PCNX2: variants seen among roughly 807,000 people sequenced by gnomAD.
PCNX2 encodes pecanex 2, also known as pecanex-like protein 2.
A neutral mutation model predicts 223.8 loss-of-function variants in PCNX2; 168 were observed. The ratio of observed to expected loss-of-function variants is 0.75; its 90% CI spans 0.66 to 0.85. The LOEUF (loss-of-function observed/expected upper bound fraction) is 0.85. PCNX2 is among the 40% of genes least tolerant of loss of function. The pLI, the probability that PCNX2 is intolerant of heterozygous loss-of-function variation, is 0.00. For missense variants in PCNX2, 2,507 were observed against 2,675.5 expected (o/e 0.94, Z 1.39); for synonymous variants, 1,006 against 1,052.6 (o/e 0.96, Z 0.86).
At chr1:233,243,826 A>T (rs11810127) in intron 8 of PCNX2, among the ~76,000 whole-genome samples, 12,357 of 151,478 alleles carry the variant, frequency 0.082, 1,289 homozygotes, top group African/African-American at 0.25. Context: ...TATCACCTTT[A>T]TTTTTTATTT....
intron 22 of PCNX2, among the ~76,000 whole-genome samples, chr1:233,094,968 A>AAC (rs1674071076): frequency 6.6e-6 from 1 of 152,194 alleles, no homozygotes; most frequent in Admixed American, 6.6e-5. Context: ...TTTCCTGGGA[A>AAC]ACACACAGGT....
intron 15 of PCNX2, among the ~76,000 whole-genome samples, chr1:233,183,712 G>T (rs1434313936): frequency 1.3e-5 from 2 of 152,186 alleles, no homozygotes; most frequent in Admixed American, 6.5e-5. Flanking sequence ...GACAGAGAGA[G>T]TCTTGGAAAG....
the PCNX2 span, among the ~76,000 whole-genome samples, chr1:233,323,889 GGCA>G: frequency 2.6e-5 from 4 of 152,216 alleles, no homozygotes; most frequent in African/African-American, 9.7e-5. Context: ...TAGTGAGGAA[GGCA>G]CGTGAAAAGC....
intron 10 of PCNX2, among the ~76,000 whole-genome samples, chr1:233,225,615 C>CG (rs138954731): frequency 8.5e-5 from 13 of 152,258 alleles, no homozygotes; most frequent in Non-Finnish European, 1.6e-4. Flanking sequence ...TTAAAAAGTG[C>CG]GGTCATCCTC....
At chr1:233,111,920 G>A (rs1045975309) in intron 21 of PCNX2, among the ~76,000 whole-genome samples, 2 of 152,202 alleles carry the variant, frequency 1.3e-5, no homozygotes, top group Non-Finnish European at 2.9e-5. Flanking sequence ...GGCTATAGGA[G>A]CTTGGGTTCA....
At chr1:233,150,900 A>T (rs983657063) in intron 19 of PCNX2, among the ~76,000 whole-genome samples, 4 of 152,158 alleles carry the variant, frequency 2.6e-5, no homozygotes, top group Non-Finnish European at 5.9e-5. Flanking sequence ...TAATATTTAA[A>T]ACTGAAAAAG....
At chr1:233,154,759 T>C (rs1678014290) in intron 19 of PCNX2, among the ~76,000 whole-genome samples, 1 of 152,182 alleles carries the variant, frequency 6.6e-6, no homozygotes, top group African/African-American at 2.4e-5. Flanking sequence ...TCTTTCTTTT[T>C]ACTTTGTTTT....
At chr1:233,260,566 G>A (rs1475911299) in intron 4 of PCNX2, among the ~76,000 whole-genome samples, 2 of 152,138 alleles carry the variant, frequency 1.3e-5, no homozygotes, top group African/African-American at 4.8e-5. Flanking sequence ...TTTACATATT[G>A]TTATAATGGG....
intron 14 of PCNX2, 78 bp from the exon 15 acceptor site, chr1:233,199,108 G>T: frequency 7.5e-7 from 1 of 1,337,574 alleles, no homozygotes; most frequent in Non-Finnish European, 1.0e-6. Context: ...TGAAGAGATG[G>T]TTGCACATTC....
Position 233,121,903 on chromosome 1 carries a change from C to G in PCNX2, c.3837+13110G>C, listed in dbSNP as rs947949383. The stretch of plus-strand genomic sequence containing the variant: ...TTCCTTGCTCTTTCAGCTGAGAATG[C>G]CTAGATGCAATGACACCCCAGTATC... On this transcript the variant is annotated intron_variant, in intron 21 of 33. Transcript: ENST00000258229. 2.0e-4 allele frequency among the ~76,000 whole-genome samples: 30 copies of G among 152,096 alleles called. 1 individual carries two copies. The highest frequency in any genetic ancestry group is 1.9e-3 in the Admixed American group (29 of 15,266).
chr1:233,194,782 C>T (rs542990724), intron 15 of PCNX2, among the ~76,000 whole-genome samples: 7 of 151,976 alleles, frequency 4.6e-5, no homozygotes, highest in East Asian at 3.9e-4. Flanking sequence ...TTTGGGAGGC[C>T]GAGGCAGGCG....
chr1:233,023,020 A>C (rs1670950873), intron 26 of PCNX2, among the ~76,000 whole-genome samples: 1 of 152,140 alleles, frequency 6.6e-6, no homozygotes, highest in East Asian at 1.9e-4. Flanking sequence ...TTCTTGAGGC[A>C]ACAGGAAGAT....
At chr1:233,006,807 T>C (rs1318101565) in intron 28 of PCNX2, among the ~76,000 whole-genome samples, 1 of 152,146 alleles carries the variant, frequency 6.6e-6, no homozygotes, top group African/African-American at 2.4e-5. Context: ...GGAACGCTTG[T>C]AGAACATATG....
intron 23 of PCNX2, among the ~76,000 whole-genome samples, chr1:233,084,913 A>G (rs566537840): frequency 4.8e-4 from 73 of 152,332 alleles, no homozygotes; most frequent in African/African-American, 1.7e-3. Flanking sequence ...ATCAAGACAG[A>G]TTTTTAAAGA....
rs750857724 is a variant in PCNX2, at chr1:233,025,156, T to C, written c.4595A>G (p.Tyr1532Cys). 1 of 1,613,958 alleles carries C rather than the reference T, an allele frequency of 6.2e-7. No homozygotes were observed. Among genetic ancestry groups the C allele is most frequent in the Non-Finnish European group, 8.5e-7 (1 of 1,179,866 alleles). The change falls in exon 26 of 34, where the codon TAC (tyrosine) becomes TGC (cysteine). Residue 1532 changes from tyrosine to cysteine, a missense_variant. This residue lies in a region of PCNX2 where 1,372 missense variants were observed against 1,509.4 expected (regional missense o/e 0.91). Transcript: ENST00000258229. ...GAAACAGAGCAATACCTTGATGTAG[T>C]AGCGGATGAGGATCCTTCGGAGGTC... is the stretch of plus-strand genomic sequence containing the variant. ...VFDLRRILIR[Y>C]YIKSIIYYMV...
At chr1:233,017,474 C>G (rs556840489) in intron 26 of PCNX2, among the ~76,000 whole-genome samples, 1 of 151,970 alleles carries the variant, frequency 6.6e-6, no homozygotes, top group African/African-American at 2.4e-5. Context: ...CCCGCCACCA[C>G]GCCCAGCTAA....
intron 23 of PCNX2, among the ~76,000 whole-genome samples, chr1:233,066,052 G>C (rs1293271132): frequency 6.6e-6 from 1 of 152,108 alleles, no homozygotes; most frequent in Non-Finnish European, 1.5e-5. Context: ...AAAAACCCTG[G>C]ACTCAGCCAC....
intron 13 of PCNX2, among the ~76,000 whole-genome samples, chr1:233,208,049 G>A (rs1378284962): frequency 2.0e-5 from 3 of 151,928 alleles, no homozygotes; most frequent in Non-Finnish European, 2.9e-5. Context: ...TCTGCCTCCC[G>A]GGTTCAAGCA....
chr1:233,235,672 GC>G (rs1357614220), intron 9 of PCNX2, among the ~76,000 whole-genome samples: 10 of 152,244 alleles, frequency 6.6e-5, no homozygotes, highest in Admixed American at 2.0e-4. Context: ...CACGACCTTG[GC>G]TGATTGCAAC....
Sources: allele counts gnomAD v4.1 joint callset (sites outside exome capture counted in the v4.1 genomes callset), GRCh38; gene constraint gnomAD v4.1.1; regional missense constraint gnomAD v4.1.1; transcripts MANE v1.5; gene names NCBI Gene and HGNC (gene_info 2026-07-23, HGNC 2026-07-21).